Variants in RSPH4A observed in about 807,000 individuals in gnomAD.
The protein encoded by RSPH4A is radial spoke head component 4A.
A neutral mutation model predicts 71.0 loss-of-function variants in RSPH4A; 47 were observed. The observed-to-expected ratio is 0.66, with a 90% confidence interval of 0.52 to 0.84. The LOEUF (loss-of-function observed/expected upper bound fraction) is 0.84, where lower values mean the gene tolerates loss of function less well. RSPH4A is among the 40% of genes least tolerant of loss of function. The pLI is 0.00. For synonymous variants in RSPH4A, 282 were observed against 302.3 expected (o/e 0.93, Z 0.70); for missense variants, 793 against 855.2 (o/e 0.93, Z 0.91).
Position 116,617,440 on chromosome 6 carries a change from A to G in RSPH4A, c.686+131A>G, listed in dbSNP as rs1775530408. ...AGATTGTGTTAGTAAAAGAGAGTTA[A>G]TGACATAACTCTGGATCACATGACT... On this transcript the variant is annotated intron_variant, in intron 1 of 5. Coordinates refer to ENST00000229554, the MANE Select transcript of RSPH4A (RefSeq NM_001010892.3). 9 of 672,566 alleles carry G rather than the reference A, an allele frequency of 1.3e-5. No homozygotes were observed. The Admixed American group carries it at 1.4e-4, about 11-fold the overall frequency. 41.7% of individuals were successfully genotyped at this position (672,566 alleles called of 1,614,324 possible).
At chr6:116,621,601 G>T (rs1480078357) in intron 1 of RSPH4A, among the ~76,000 whole-genome samples, 2 of 152,154 alleles carry the variant, frequency 1.3e-5, no homozygotes, top group African/African-American at 4.8e-5. Flanking sequence ...CCTCTGAACT[G>T]GGGAAGGATG....
Position 116,628,716 on chromosome 6 carries a change from T to C in RSPH4A, c.1662+347T>C, listed in dbSNP as rs190785104. 1.1e-3 allele frequency among the ~76,000 whole-genome samples: 167 copies of C among 152,332 alleles called. 1 individual carries two copies. Among genetic ancestry groups the C allele is most frequent in the Non-Finnish European group, 1.6e-3 (110 of 68,028 alleles). ...ATATGTTTAATATAGATGGGTACAT[T>C]AATTTTGAAAATAGTTCTTTAATTT... On this transcript the variant is annotated intron_variant, in intron 3 of 5. Coordinates refer to ENST00000229554, the MANE Select transcript of RSPH4A (RefSeq NM_001010892.3).
chr6:116,629,702 G>C lies in RSPH4A; in HGVS notation c.1798G>C (p.Glu600Gln), dbSNP rs1405215123. ...PLLTPISEDL[E>Q]IQNIPPWTTR... ...TTTGACACCAATCTCTGAAGATTTA[G>C]GTTATTTTACGTAACTATTATCACA... The change falls in exon 4 of 6, where the codon GAG becomes CAG. Residue 600 changes from glutamate to glutamine, a missense_variant and splice_region_variant. Physicochemically the swap from Glu to Gln is conservative, Grantham distance 29. Coordinates refer to ENST00000229554, the MANE Select transcript of RSPH4A (RefSeq NM_001010892.3). 6.2e-7 allele frequency: 1 copy of C among 1,609,366 alleles called. No individual in the cohort carries two copies. The highest frequency in any genetic ancestry group is 1.3e-5 in the African/African-American group (1 of 74,802).
In RSPH4A at chr6:116,632,192, T is replaced by G. The variant is rs905247793; in HGVS notation, c.1917-15T>G. ...TATAATGATCTTTTTTTCTTCTTCT[T>G]TTTCTTACTTATAGAAAGTTTGAAA... On this transcript the variant is annotated splice_polypyrimidine_tract_variant and intron_variant, in intron 5 of 5. Transcript: ENST00000229554. The G allele has an allele frequency of 2.0e-5, 32 of 1,577,092 alleles. No homozygotes were observed. Among genetic ancestry groups the G allele is most frequent in the Non-Finnish European group, 2.4e-5 (28 of 1,155,318 alleles).
chr6:116,620,127 C>G (rs1220073993), intron 1 of RSPH4A, among the ~76,000 whole-genome samples: 1 of 152,112 alleles, frequency 6.6e-6, no homozygotes, highest in Non-Finnish European at 1.5e-5. Context: ...GTCATAATGC[C>G]CTATGTTAGA....
Position 116,632,192 on chromosome 6 carries a change from T to A in RSPH4A, c.1917-15T>A. 1 of 1,577,210 alleles carries A rather than the reference T, an allele frequency of 6.3e-7. No individual in the cohort carries two copies. The highest frequency in any genetic ancestry group is 8.7e-7 in the Non-Finnish European group (1 of 1,155,310). ...TATAATGATCTTTTTTTCTTCTTCTTTTTCTTACTTATAGAAAGTTTGAAA... is the reference window on the plus strand; with the variant it reads ...TATAATGATCTTTTTTTCTTCTTCTATTTCTTACTTATAGAAAGTTTGAAA... On this transcript the variant is annotated splice_polypyrimidine_tract_variant and intron_variant, in intron 5 of 5. Coordinates refer to ENST00000229554, the MANE Select transcript of RSPH4A (RefSeq NM_001010892.3).
At chr6:116,626,385 A>C (rs1775693404) in intron 2 of RSPH4A, among the ~76,000 whole-genome samples, 1 of 151,934 alleles carries the variant, frequency 6.6e-6, no homozygotes, top group African/African-American at 2.4e-5. Context: ...ACCGTCACCC[A>C]GGCTGTAGTG....
intron 2 of RSPH4A, among the ~76,000 whole-genome samples, chr6:116,627,248 G>T (rs144673629): frequency 9.3e-4 from 141 of 152,230 alleles, no homozygotes; most frequent in African/African-American, 3.2e-3. Flanking sequence ...TTTTCCCTAG[G>T]CTGGAATGCA....
chr6:116,625,529 T>C (rs1775680107), intron 2 of RSPH4A, among the ~76,000 whole-genome samples: 1 of 151,684 alleles, frequency 6.6e-6, no homozygotes, highest in Non-Finnish European at 1.5e-5. Context: ...GAAAGATAAC[T>C]CTGATCATAA....
At chr6:116,630,395 A>T in intron 4 of RSPH4A, 40 bp from the exon 5 acceptor site, 1 of 1,006,286 alleles carries the variant, frequency 9.9e-7, no homozygotes, top group East Asian at 2.4e-5. Context: ...ATTCTTGTCT[A>T]GTTAGGAATT....
intron 2 of RSPH4A, among the ~76,000 whole-genome samples, chr6:116,626,349 T>C (rs529843404): frequency 6.6e-6 from 1 of 151,974 alleles, no homozygotes; most frequent in African/African-American, 2.4e-5. Context: ...GTTTCTTTTT[T>C]TCTTTTTCTT....
intron 2 of RSPH4A, 150 bp downstream of exon 2, chr6:116,623,152 A>G (rs1775640075): frequency 1.6e-6 from 1 of 635,960 alleles, no homozygotes; most frequent in Non-Finnish European, 2.7e-6. Flanking sequence ...GGCTTGGAGT[A>G]CAATGGCGTG....
rs773769359 is a variant in RSPH4A, at chr6:116,622,862, A to G, written c.781A>G (p.Met261Val). 3 of 1,613,100 alleles carry G rather than the reference A, an allele frequency of 1.9e-6. No homozygotes were observed. The highest frequency in any genetic ancestry group is 2.5e-6 in the Non-Finnish European group (3 of 1,179,064). Residue 261 changes from methionine (M) to valine (V), a missense_variant, in exon 2 of 6, where the codon ATG becomes GTG. Transcript: ENST00000229554. Reference sequence around the variant, plus strand: ...TGAAAATATTAGCCAAGATGTGAAGATGGCACATTTTAGTAAAAAATTTGA... The same window carrying G: ...TGAAAATATTAGCCAAGATGTGAAGGTGGCACATTTTAGTAAAAAATTTGA... Reference protein sequence around the residue: ...IFENISQDVKMAHFSKKFDAL... With the variant: ...IFENISQDVKVAHFSKKFDAL...
chr6:116,626,838 C>T, intron 2 of RSPH4A, among the ~76,000 whole-genome samples: 1 of 152,180 alleles, frequency 6.6e-6, no homozygotes, highest in East Asian at 1.9e-4. Flanking sequence ...TTATTCCATA[C>T]ATTACATTAT....
At chr6:116,621,059 A>G (rs530115273) in intron 1 of RSPH4A, among the ~76,000 whole-genome samples, 105 of 152,084 alleles carry the variant, frequency 6.9e-4, no homozygotes, top group African/African-American at 2.3e-3. Context: ...GGGTTTCACC[A>G]TGTTGGCCAG....
At chr6:116,627,475 C>G (rs1431969090) in intron 2 of RSPH4A, among the ~76,000 whole-genome samples, 154 bp from the exon 3 acceptor site, 1 of 152,104 alleles carries the variant, frequency 6.6e-6, no homozygotes. Context: ...GGATTACAGG[C>G]GTGAACCACT....
intron 1 of RSPH4A, among the ~76,000 whole-genome samples, chr6:116,619,894 T>C (rs1326277249): frequency 6.6e-6 from 1 of 152,162 alleles, no homozygotes; most frequent in Non-Finnish European, 1.5e-5. Flanking sequence ...AATTTTTTTG[T>C]ATTTTTGGTA....
In RSPH4A at chr6:116,632,491, CTTATATGGGA is replaced by C; in HGVS notation, c.*51_*60del. On this transcript the variant is annotated 3_prime_UTR_variant, in exon 6 of 6. Transcript: ENST00000229554. ...ATGTGACACTGATACACACACACCC[CTTATATGGGA>C]CTAATTTTACACTTTTCTGTGTTAT... 1 of 1,566,618 alleles carries C rather than the reference CTTATATGGGA, an allele frequency of 6.4e-7. No homozygotes were observed. Among genetic ancestry groups the C allele is most frequent in the Non-Finnish European group, 8.7e-7 (1 of 1,154,958 alleles).
chr6:116,626,369 T>C (rs1232156168), intron 2 of RSPH4A, among the ~76,000 whole-genome samples: 2 of 152,152 alleles, frequency 1.3e-5, no homozygotes, highest in East Asian at 3.9e-4. Flanking sequence ...TTTTCTTTTT[T>C]TTGAGACCGT....
Sources: gnomAD v4.1 joint callset for allele counts (sites outside exome capture counted in the v4.1 genomes callset) on GRCh38, gnomAD v4.1.1 for gene constraint, MANE v1.5 for transcripts, NCBI Gene and HGNC (gene_info 2026-07-23, HGNC 2026-07-21) for gene names.